The following PPP2R2B variants were observed in gnomAD, a reference collection of about 807,000 sequenced individuals.
PPP2R2B encodes the protein serine/threonine-protein phosphatase 2A 55 kDa regulatory subunit B beta isoform.
A neutral mutation model predicts 46.0 loss-of-function variants in PPP2R2B; 5 were observed. The ratio of observed to expected loss-of-function variants is 0.11; its 90% CI spans 0.06 to 0.23. The LOEUF (loss-of-function observed/expected upper bound fraction) is 0.23, where lower values mean the gene tolerates loss of function less well. Among genes scored for constraint, PPP2R2B ranks in the 10% least tolerant of loss-of-function variants. PPP2R2B has a pLI of 1.00. For synonymous variants in PPP2R2B, 215 were observed against 206.7 expected (o/e 1.04, Z -0.34); for missense variants, 367 against 575.0 (o/e 0.64, Z 3.70).
At chr5:147,029,669 G>A (rs1388702755) in intron 1 of PPP2R2B, among the ~76,000 whole-genome samples, 1 of 152,098 alleles carries the variant, frequency 6.6e-6, no homozygotes. Flanking sequence ...GTTAAATAAG[G>A]TTATAAAAGT....
At chr5:146,952,837 G>A (rs1751683814) in intron 1 of PPP2R2B, among the ~76,000 whole-genome samples, 2 of 152,116 alleles carry the variant, frequency 1.3e-5, no homozygotes, top group African/African-American at 2.4e-5. Flanking sequence ...GTATGTGAGA[G>A]TCATAAGCTT....
chr5:146,878,456 C>A lies in PPP2R2B; in HGVS notation c.-125+135G>T. On this transcript the variant is annotated intron_variant, in intron 1 of 9. Coordinates refer to ENST00000394411, the MANE Select transcript of PPP2R2B (RefSeq NM_181675.4). This position sits in a 1 kb window ranked among gnomAD's most constrained non-coding sequence, Gnocchi z 4.5. Reference sequence around the variant, plus strand: ...GGTCTGGGGAGATGCCCAACAGGTTCCCCTCCTTGGCAGCCGCTCCAAAAT... The same window carrying A: ...GGTCTGGGGAGATGCCCAACAGGTTACCCTCCTTGGCAGCCGCTCCAAAAT... 6 of 1,356,640 alleles carry A rather than the reference C, an allele frequency of 4.4e-6. 1 individual carries two copies. In the South Asian group the frequency reaches 8.1e-5, roughly 18 times the overall value. 84.0% of individuals were successfully genotyped at this position (1,356,640 alleles called of 1,614,324 possible). A position where few individuals can be genotyped will look rare whatever the true frequency, so the allele number is the denominator to read the frequency against.
Position 146,593,070 on chromosome 5 carries a change from G to C in PPP2R2B, c.961-8C>G. 1 of 1,599,870 alleles carries C rather than the reference G, an allele frequency of 6.3e-7. No individual in the cohort carries two copies. Among genetic ancestry groups the C allele is most frequent in the African/African-American group, 1.3e-5 (1 of 74,712 alleles). On this transcript the variant is annotated splice_polypyrimidine_tract_variant and splice_region_variant and intron_variant, in intron 8 of 9. Coordinates refer to ENST00000394411, the MANE Select transcript of PPP2R2B (RefSeq NM_181675.4). ...GCGGAGGTAGTCATGAACCTGGAGA[G>C]GAAACATATCGAGAAGGTCAGTTAT... is the stretch of plus-strand genomic sequence containing the variant.
At chr5:146,754,067 T>C (rs1753706764) in intron 2 of PPP2R2B, among the ~76,000 whole-genome samples, 1 of 152,076 alleles carries the variant, frequency 6.6e-6, no homozygotes, top group Admixed American at 6.6e-5. Context: ...AAAAATAATC[T>C]GAAAGTCCCC....
At chr5:146,784,449 A>T (rs1755719026) in intron 2 of PPP2R2B, among the ~76,000 whole-genome samples, 1 of 152,224 alleles carries the variant, frequency 6.6e-6, no homozygotes. Flanking sequence ...GATTCAACAC[A>T]ACATTCCTTG....
chr5:146,939,403 GA>G (rs1333557944), intron 1 of PPP2R2B, among the ~76,000 whole-genome samples: 1 of 152,210 alleles, frequency 6.6e-6, no homozygotes, highest in African/African-American at 2.4e-5. Flanking sequence ...CTGCGAGTGG[GA>G]AAGAGGGTGA....
chr5:146,903,942 A>C (rs1253572378), intron 1 of PPP2R2B, among the ~76,000 whole-genome samples: 1 of 152,144 alleles, frequency 6.6e-6, no homozygotes. Flanking sequence ...GATTCTTCCC[A>C]TTTCATGACT....
rs180954444 is a variant in PPP2R2B at position 146,967,786 on chromosome 5, G to A, written c.79+87879C>T. 1.9e-3 allele frequency among the ~76,000 whole-genome samples: 290 copies of A among 152,236 alleles called. 1 individual carries two copies. Among genetic ancestry groups the A allele is most frequent in the African/African-American group, 6.7e-3 (279 of 41,540 alleles). ...CTCCCGGTTTGCAGTCCCAGCCTACGGTTACTCTTCAATTAGTTTCCATCT... is the reference window on the plus strand; with the variant it reads ...CTCCCGGTTTGCAGTCCCAGCCTACAGTTACTCTTCAATTAGTTTCCATCT... On this transcript the variant is annotated intron_variant, in intron 1 of 8. Transcript: ENST00000336640.
intron 1 of PPP2R2B, among the ~76,000 whole-genome samples, chr5:147,044,018 TC>T (rs2151898431): frequency 6.6e-6 from 1 of 152,184 alleles, no homozygotes; most frequent in South Asian, 2.1e-4. Flanking sequence ...ATAAATGCTT[TC>T]CCTTAACTAG....
At chr5:146,909,023 C>T (rs980252339) in intron 1 of PPP2R2B, among the ~76,000 whole-genome samples, 2 of 152,112 alleles carry the variant, frequency 1.3e-5, no homozygotes, top group African/African-American at 4.8e-5. Flanking sequence ...TGGAGGCAGC[C>T]ACCAAAGAGA....
chr5:147,043,690 G>T (rs1756417710), intron 1 of PPP2R2B, among the ~76,000 whole-genome samples: 1 of 152,138 alleles, frequency 6.6e-6, no homozygotes, highest in Non-Finnish European at 1.5e-5. Flanking sequence ...GCACTGTGCT[G>T]CTTCTTTGCA....
At chr5:146,662,422 G>A (rs1776727034) in intron 5 of PPP2R2B, among the ~76,000 whole-genome samples, 2 of 152,292 alleles carry the variant, frequency 1.3e-5, no homozygotes, top group Middle Eastern at 6.8e-3. Context: ...TACATTGTCT[G>A]ATTCCCAACC....
intron 2 of PPP2R2B, among the ~76,000 whole-genome samples, chr5:146,810,695 T>C (rs1757478838): frequency 6.6e-6 from 1 of 152,116 alleles, no homozygotes; most frequent in Non-Finnish European, 1.5e-5. Flanking sequence ...CCAGTCTCTA[T>C]GGCTCCTGTC....
intron 1 of PPP2R2B, among the ~76,000 whole-genome samples, chr5:147,002,861 G>A (rs1754243786): frequency 6.6e-6 from 1 of 152,100 alleles, no homozygotes; most frequent in South Asian, 2.1e-4. Context: ...AAAACTGCAG[G>A]TGGTTTTGTC....
intron 2 of PPP2R2B, among the ~76,000 whole-genome samples, chr5:146,717,345 A>G (rs1780552840): frequency 1.3e-5 from 2 of 152,230 alleles, no homozygotes; most frequent in Non-Finnish European, 2.9e-5. Flanking sequence ...AACCTAAGTT[A>G]TTGCCTCTGG....
intron 2 of PPP2R2B, among the ~76,000 whole-genome samples, chr5:146,714,081 G>C (rs983790908): frequency 6.6e-6 from 1 of 151,948 alleles, no homozygotes; most frequent in Non-Finnish European, 1.5e-5. Flanking sequence ...GAAAAAGTTG[G>C]GGACAGAAGA....
At chr5:146,929,979 C>T (rs1763912577) in intron 1 of PPP2R2B, among the ~76,000 whole-genome samples, 1 of 152,136 alleles carries the variant, frequency 6.6e-6, no homozygotes, top group Non-Finnish European at 1.5e-5. Context: ...CAGTTATTAT[C>T]CTTGATTCTG....
chr5:146,778,640 A>G (rs1755328813), intron 2 of PPP2R2B, among the ~76,000 whole-genome samples: 1 of 152,126 alleles, frequency 6.6e-6, no homozygotes, highest in Admixed American at 6.5e-5. Flanking sequence ...CTCTTCCTAG[A>G]TTTCCTTTGT....
chr5:146,643,398 A>G (rs1297667558), intron 6 of PPP2R2B, among the ~76,000 whole-genome samples: 1 of 152,222 alleles, frequency 6.6e-6, no homozygotes, highest in Non-Finnish European at 1.5e-5. Flanking sequence ...GTAAATGAGT[A>G]TTATACACAG....
Sources: allele counts gnomAD v4.1 joint callset (sites outside exome capture counted in the v4.1 genomes callset), GRCh38; gene constraint gnomAD v4.1.1; non-coding constraint Gnocchi (gnomAD v3.1); transcripts MANE v1.5; gene names NCBI Gene and HGNC (gene_info 2026-07-23, HGNC 2026-07-21).